RASAL2: variants seen among roughly 807,000 people sequenced by gnomAD.
RASAL2 encodes RAS protein activator like 2.
In RASAL2, 58 loss-of-function variants were observed where a neutral mutation model predicts 128.9. That is an observed-to-expected ratio of 0.45 (90% CI 0.36 to 0.56). The LOEUF (loss-of-function observed/expected upper bound fraction) is 0.56. Ranked by LOEUF, RASAL2 falls within the 20% of genes least tolerant of loss-of-function variation. The probability of loss-of-function intolerance (pLI) is 0.00; values close to 1 mark genes in which losing one functional copy is unlikely to be tolerated. For synonymous variants in RASAL2, 561 were observed against 580.8 expected (o/e 0.97, Z 0.49); for missense variants, 1,360 against 1,601.6 (o/e 0.85, Z 2.57).
chr1:178,386,813 A>G (rs1047588863), intron 3 of RASAL2, among the ~76,000 whole-genome samples: 3 of 152,230 alleles, frequency 2.0e-5, no homozygotes, highest in African/African-American at 7.2e-5. Flanking sequence ...AATAGTATGT[A>G]GCATGAGTGG....
chr1:178,197,864 G>A (rs1662723886), intron 1 of RASAL2, among the ~76,000 whole-genome samples: 1 of 151,820 alleles, frequency 6.6e-6, no homozygotes, highest in African/African-American at 2.4e-5. Context: ...CCCACCCAAT[G>A]ACAGGCCCCG....
intron 1 of RASAL2, among the ~76,000 whole-genome samples, chr1:178,136,121 A>G (rs1660316779): frequency 6.6e-6 from 1 of 152,256 alleles, no homozygotes; most frequent in African/African-American, 2.4e-5. Context: ...AGAAATAAAG[A>G]TAGTGAATAT....
chr1:178,184,070 G>T (rs1301327443), intron 1 of RASAL2, among the ~76,000 whole-genome samples: 1 of 152,038 alleles, frequency 6.6e-6, no homozygotes, highest in Non-Finnish European at 1.5e-5. Context: ...ATCATTTTTT[G>T]TATGCATATT....
At chr1:178,302,625 A>G (rs1229639068) in intron 3 of RASAL2, among the ~76,000 whole-genome samples, 4 of 152,226 alleles carry the variant, frequency 2.6e-5, no homozygotes, top group Non-Finnish European at 5.9e-5. Flanking sequence ...TTACCACCAC[A>G]TACACGTATA....
intron 1 of RASAL2, among the ~76,000 whole-genome samples, chr1:178,130,303 T>C (rs1307790762): frequency 6.6e-6 from 1 of 152,162 alleles, no homozygotes; most frequent in East Asian, 1.9e-4. Context: ...CTTTGGACTT[T>C]GGAGGTTGAA....
chr1:178,417,837 T>C (rs781253963), intron 4 of RASAL2, among the ~76,000 whole-genome samples: 18 of 151,204 alleles, frequency 1.2e-4, no homozygotes, highest in Admixed American at 9.2e-4. Flanking sequence ...AGTCTACTAA[T>C]ACTGTCTCAG....
chr1:178,299,562 A>G (rs544060580), intron 2 of RASAL2, among the ~76,000 whole-genome samples: 5 of 150,156 alleles, frequency 3.3e-5, no homozygotes, highest in Non-Finnish European at 7.4e-5. Flanking sequence ...CAGTGGTGTG[A>G]TCTCGGCTCA....
intron 3 of RASAL2, among the ~76,000 whole-genome samples, chr1:178,330,843 G>A (rs553951489): frequency 6.6e-5 from 10 of 152,184 alleles, no homozygotes; most frequent in African/African-American, 2.2e-4. Flanking sequence ...CAATAAATAT[G>A]TTTGGCATTT....
chr1:178,343,795 G>GAAA (rs756128049), intron 3 of RASAL2, among the ~76,000 whole-genome samples: 2 of 146,372 alleles, frequency 1.4e-5, no homozygotes, highest in African/African-American at 2.5e-5. Flanking sequence ...TTCCGTGTTA[G>GAAA]AAAAAAAAAA....
chr1:178,324,620 G>A (rs1157774150), intron 3 of RASAL2, among the ~76,000 whole-genome samples: 1 of 152,002 alleles, frequency 6.6e-6, no homozygotes, highest in Non-Finnish European at 1.5e-5. Context: ...AATATATTTG[G>A]AGACTTGACC....
At chr1:178,451,530 C>T in intron 9 of RASAL2, 41 bp from the exon 10 acceptor site, 1 of 1,585,012 alleles carries the variant, frequency 6.3e-7, no homozygotes, top group Non-Finnish European at 8.6e-7. Context: ...TTCAGGAAGA[C>T]ACTGTTTATA....
intron 1 of RASAL2, among the ~76,000 whole-genome samples, chr1:178,229,092 A>T (rs1411719587): frequency 6.6e-6 from 1 of 152,156 alleles, no homozygotes; most frequent in Non-Finnish European, 1.5e-5. Flanking sequence ...GCTTTATCAT[A>T]TTTTATCTAC....
At chr1:178,096,280 G>A (rs1658678653) in intron 1 of RASAL2, among the ~76,000 whole-genome samples, 1 of 152,006 alleles carries the variant, frequency 6.6e-6, no homozygotes, top group African/African-American at 2.4e-5. Context: ...TTAGAAATAG[G>A]GCCATGCTAT....
intron 2 of RASAL2, among the ~76,000 whole-genome samples, chr1:178,293,554 C>T (rs183733796): frequency 8.4e-4 from 128 of 152,292 alleles, no homozygotes; most frequent in Non-Finnish European, 5.1e-4. Context: ...TGTTCCATCC[C>T]TTTTCTCCCT....
chr1:178,177,995 C>G (rs1375824117), intron 1 of RASAL2, among the ~76,000 whole-genome samples: 2 of 152,096 alleles, frequency 1.3e-5, no homozygotes, highest in Non-Finnish European at 2.9e-5. Context: ...GGGGTTATTT[C>G]TCTTTTGTGA....
chr1:178,349,417 G>T (rs1383116482), intron 3 of RASAL2, among the ~76,000 whole-genome samples: 1 of 151,900 alleles, frequency 6.6e-6, no homozygotes, highest in African/African-American at 2.4e-5. Flanking sequence ...AGTGAGACTT[G>T]GTCTCCAAAT....
At chr1:178,319,352 T>C (rs1668638907) in intron 3 of RASAL2, among the ~76,000 whole-genome samples, 1 of 151,934 alleles carries the variant, frequency 6.6e-6, no homozygotes, top group Non-Finnish European at 1.5e-5. Flanking sequence ...CCTTGCTAGA[T>C]TGGGGAAGTT....
chr1:178,441,542 G>T lies in RASAL2; in HGVS notation c.829-7G>T, dbSNP rs376930676. On this transcript the variant is annotated splice_polypyrimidine_tract_variant and splice_region_variant and intron_variant, in intron 6 of 17. Coordinates refer to ENST00000367649, the MANE Select transcript of RASAL2 (RefSeq NM_170692.4). ...TCTTTTTCTTATGTCTAATTTTTATGTTGAAGGTTACCTACTTAAGTGGAA... is the reference window on the plus strand; with the variant it reads ...TCTTTTTCTTATGTCTAATTTTTATTTTGAAGGTTACCTACTTAAGTGGAA... The T allele has an allele frequency of 2.5e-6, 4 of 1,607,666 alleles. No individual in the cohort carries two copies. The East Asian group carries it at 9.0e-5, about 36-fold the overall frequency.
intron 1 of RASAL2, among the ~76,000 whole-genome samples, chr1:178,162,506 A>G (rs1303919522): frequency 9.3e-6 from 1 of 107,346 alleles, no homozygotes; most frequent in Non-Finnish European, 2.0e-5. Flanking sequence ...ATTTTATATT[A>G]TATATATTTT....
Sources: gnomAD v4.1 joint callset for allele counts (sites outside exome capture counted in the v4.1 genomes callset) on GRCh38, gnomAD v4.1.1 for gene constraint, MANE v1.5 for transcripts, NCBI Gene and HGNC (gene_info 2026-07-23, HGNC 2026-07-21) for gene names.